Variants in NPIPB2 observed in about 807,000 individuals in gnomAD.
The protein encoded by NPIPB2 is nuclear pore complex interacting protein family member B2.
In NPIPB2, 27 loss-of-function variants were observed where a neutral mutation model predicts 30.8. The ratio of observed to expected loss-of-function variants is 0.88; its 90% CI spans 0.65 to 1.21. The LOEUF (loss-of-function observed/expected upper bound fraction) is 1.21. NPIPB2 is among the 50% of genes most tolerant of loss of function. NPIPB2 has a pLI of 0.00. For synonymous variants in NPIPB2, 147 were observed against 162.0 expected (o/e 0.91, Z 0.70); for missense variants, 440 against 446.2 (o/e 0.99, Z 0.13).
exon 8 of NPIPB2, chr16:11,927,548 C>G: frequency 6.2e-7 from 1 of 1,604,832 alleles, no homozygotes; most frequent in African/African-American, 1.3e-5. Flanking sequence ...CGCTCTCCAC[C>G]TCTTGGGTTT....
chr16:11,951,666 A>ACACACACACCCCC (rs1226047972), intron 1 of NPIPB2, among the ~76,000 whole-genome samples: 3 of 138,970 alleles, frequency 2.2e-5, no homozygotes, highest in East Asian at 2.4e-4. Context: ...ACACACACAC[A>ACACACACACCCCC]CCCAGCCCCC....
intron 1 of NPIPB2, among the ~76,000 whole-genome samples, chr16:11,974,170 C>G (rs1363544859): frequency 6.6e-6 from 1 of 152,122 alleles, no homozygotes; most frequent in Non-Finnish European, 1.5e-5. Context: ...GGTCAAAATG[C>G]CATATTTTCG....
chr16:11,966,688 T>A (rs1394055188), intron 1 of NPIPB2, among the ~76,000 whole-genome samples: 3 of 152,182 alleles, frequency 2.0e-5, no homozygotes, highest in Non-Finnish European at 4.4e-5. Context: ...TCTGCTACTG[T>A]CAGGAAAAGC....
chr16:11,937,733 A>T, intron 1 of NPIPB2, 65 bp from the exon 2 acceptor site: 1 of 1,574,346 alleles, frequency 6.4e-7, no homozygotes, highest in Non-Finnish European at 8.6e-7. Context: ...ACTCAGAAAG[A>T]ATCATCCTTA....
chr16:11,947,322 T>TTATTTATTTATATA (rs144577397), intron 1 of NPIPB2, among the ~76,000 whole-genome samples: 1 of 119,946 alleles, frequency 8.3e-6, no homozygotes, highest in South Asian at 2.4e-4. Flanking sequence ...ATTTATTTAT[T>TTATTTATTTATATA]TATATATATA....
chr16:11,968,859 C>A (rs1474460197), intron 1 of NPIPB2: 1 of 149,842 alleles, frequency 6.7e-6, no homozygotes, highest in East Asian at 2.0e-4. Flanking sequence ...TAACCAATTT[C>A]TTTTTCTTTT....
chr16:11,933,827 T>A (rs776364475), exon 3 of NPIPB2: 1 of 1,588,486 alleles, frequency 6.3e-7, no homozygotes, highest in South Asian at 1.1e-5. Context: ...AGCCATACCT[T>A]CCTGTCTACG....
At chr16:11,943,211 T>C (rs2054961987), upstream of NPIPB2, among the ~76,000 whole-genome samples, 1 of 151,998 alleles carries the variant, frequency 6.6e-6, no homozygotes, top group African/African-American at 2.4e-5. Flanking sequence ...CCCACCTACT[T>C]GGGAGGCTGA....
intron 1 of NPIPB2, among the ~76,000 whole-genome samples, chr16:11,951,276 G>A (rs1365784733): frequency 1.3e-5 from 2 of 151,114 alleles, no homozygotes; most frequent in African/African-American, 4.9e-5. Flanking sequence ...CTAACACGGT[G>A]AAACCCCGTC....
At chr16:11,946,511 T>C (rs1299050712), upstream of NPIPB2, among the ~76,000 whole-genome samples, 1 of 151,718 alleles carries the variant, frequency 6.6e-6, no homozygotes, top group African/African-American at 2.4e-5. Context: ...AGTTTGAGGC[T>C]ACTGTGAGCT....
Position 11,967,755 on chromosome 16 carries a change from A to G in NPIPB2, c.-584+8813T>C. The G allele has an allele frequency of 6.2e-7, 1 of 1,614,222 alleles. No individual in the cohort carries two copies. The highest frequency in any genetic ancestry group is 8.5e-7 in the Non-Finnish European group (1 of 1,180,044). ...CCCAGCTATGGAGGAAGGCGCAACC[A>G]TTCTTGTCACCACGAAAACGAATGA... On this transcript the variant is annotated intron_variant, in intron 1 of 5. Transcript: ENST00000538896.
intron 2 of NPIPB2, among the ~76,000 whole-genome samples, chr16:11,937,165 TGAATCTTCAGA>T (rs1243290427): frequency 6.6e-6 from 1 of 152,186 alleles, no homozygotes; most frequent in East Asian, 1.9e-4. Context: ...ATTTCTGCAG[TGAATCTTCAGA>T]GACGAGACTG....
upstream of NPIPB2, among the ~76,000 whole-genome samples, chr16:11,942,454 G>A (rs988277842): frequency 2.0e-5 from 3 of 148,970 alleles, no homozygotes; most frequent in African/African-American, 7.4e-5. Context: ...GCACAAGGTT[G>A]CATGATCTCA....
intron 1 of NPIPB2, among the ~76,000 whole-genome samples, chr16:11,959,459 G>T (rs76903732): frequency 0.035 from 5,300 of 151,986 alleles, 125 homozygotes; most frequent in South Asian, 0.075. Context: ...GCATGGTGGC[G>T]TACTATCGTA....
At chr16:11,963,582 G>C (rs945802733) in intron 1 of NPIPB2, among the ~76,000 whole-genome samples, 1 of 152,024 alleles carries the variant, frequency 6.6e-6, no homozygotes, top group Non-Finnish European at 1.5e-5. Flanking sequence ...ATAAACACAG[G>C]TGAAGCCTTT....
upstream of NPIPB2, among the ~76,000 whole-genome samples, chr16:11,944,254 C>A (rs188106764): frequency 7.9e-4 from 119 of 150,974 alleles, no homozygotes; most frequent in African/African-American, 2.8e-3. Flanking sequence ...ACTGAAACCT[C>A]CACCTCCCAG....
At chr16:11,967,527 C>A (rs777905027) in intron 1 of NPIPB2, 1 of 1,583,324 alleles carries the variant, frequency 6.3e-7, no homozygotes, top group Non-Finnish European at 8.6e-7. Context: ...TGACCACATT[C>A]TCTGTGAAGT....
chr16:11,971,200 A>G lies in NPIPB2; in HGVS notation c.-584+5368T>C, dbSNP rs115878653. Among the ~76,000 whole-genome samples, 866 of 152,230 alleles carry G rather than the reference A, an allele frequency of 5.7e-3. 13 individuals are homozygous for G. The highest frequency in any genetic ancestry group is 0.02 in the African/African-American group (823 of 41,548). The stretch of plus-strand genomic sequence containing the variant: ...CTGCTACATTGTTGTGTGCTAGGTC[A>G]GTCATGTTAAAGAAAAGGGTCAAAC... On this transcript the variant is annotated intron_variant, in intron 1 of 5. Transcript: ENST00000538896.
chr16:11,956,125 C>A (rs2055110457), intron 1 of NPIPB2: 1 of 152,246 alleles, frequency 6.6e-6, no homozygotes, highest in South Asian at 2.1e-4. Flanking sequence ...TGATGGGCAC[C>A]TCCCTCTTGT....
Sources: allele counts gnomAD v4.1 joint callset (sites outside exome capture counted in the v4.1 genomes callset), GRCh38; gene constraint gnomAD v4.1.1; transcripts MANE v1.5; gene names NCBI Gene and HGNC (gene_info 2026-07-23, HGNC 2026-07-21).